ERBIN: variants seen among roughly 807,000 people sequenced by gnomAD.
ERBIN encodes densin-180-like protein.
In ERBIN, 60 loss-of-function variants were observed where a neutral mutation model predicts 158.4. The ratio of observed to expected loss-of-function variants is 0.38; its 90% CI spans 0.31 to 0.47. The LOEUF is 0.47. Among genes scored for constraint, ERBIN ranks in the 20% least tolerant of loss-of-function variants. The probability of loss-of-function intolerance (pLI) is 0.99; values close to 1 mark genes in which losing one functional copy is unlikely to be tolerated. For missense variants in ERBIN, 1,610 were observed against 1,648.0 expected (o/e 0.98, Z 0.40); for synonymous variants, 594 against 557.2 (o/e 1.07, Z -0.93).
Position 66,038,472 on chromosome 5 carries a change from G to A in ERBIN, c.1296G>A (p.Arg432=), listed in dbSNP as rs1183285914. ...ACTACATGTTCCCTCAACAGCCAAG[G>A]ACTGAGGATGGTAGGAATTTCATAA... ...LTNYMFPQQP[R]TEDVMFISDN... is the part of the protein sequence containing the mutation. Residue 432 remains arginine (R), a synonymous_variant, in exon 15 of 26, where the codon AGG becomes AGA. Coordinates refer to ENST00000284037, the MANE Select transcript of ERBIN (RefSeq NM_001253697.2). The A allele has an allele frequency of 7.5e-6, 12 of 1,603,248 alleles. No individual in the cohort carries two copies. The highest frequency in any genetic ancestry group is 1.3e-5 in the African/African-American group (1 of 74,420).
chr5:65,999,938 T>G (rs1444813600), intron 4 of ERBIN, among the ~76,000 whole-genome samples: 2 of 152,246 alleles, frequency 1.3e-5, no homozygotes, highest in African/African-American at 4.8e-5. Context: ...TTATTGTCAC[T>G]TTAGTTGTCA....
chr5:65,949,365 T>C (rs1746221955), intron 1 of ERBIN, among the ~76,000 whole-genome samples: 1 of 152,116 alleles, frequency 6.6e-6, no homozygotes, highest in African/African-American at 2.4e-5. Context: ...TCCCAGGAAA[T>C]ATTTAATTTC....
At position 66,080,389 on chromosome 5, in the gene ERBIN, T is replaced by C. The variant is rs892625321; in HGVS notation, c.*1859T>C. 3 of 152,516 alleles carry C rather than the reference T, an allele frequency of 2.0e-5. No homozygotes were observed. Among genetic ancestry groups the C allele is most frequent in the Non-Finnish European group, 4.4e-5 (3 of 67,940 alleles). 9.4% of individuals were successfully genotyped at this position (152,516 alleles called of 1,614,324 possible). A position where few individuals can be genotyped will look rare whatever the true frequency, so the allele number is the denominator to read the frequency against. On this transcript the variant is annotated 3_prime_UTR_variant, in exon 26 of 26. Coordinates refer to ENST00000284037, the MANE Select transcript of ERBIN (RefSeq NM_001253697.2). ...ACTCATTTTAGTTGATTTTCAGTAC[T>C]ATTTACATAGGAATTGATTTTTATG...
At chr5:65,936,994 A>T (rs1201061529) in intron 1 of ERBIN, among the ~76,000 whole-genome samples, 1 of 152,200 alleles carries the variant, frequency 6.6e-6, no homozygotes, top group Non-Finnish European at 1.5e-5. Flanking sequence ...TGAGAGAGGC[A>T]ATATAGTATA....
In ERBIN at chr5:66,076,859, T is replaced by G; in HGVS notation, c.4057-16T>G. 1 of 1,583,754 alleles carries G rather than the reference T, an allele frequency of 6.3e-7. No homozygotes were observed. Among genetic ancestry groups the G allele is most frequent in the Non-Finnish European group, 8.6e-7 (1 of 1,158,894 alleles). ...ACATACTGTTTTTAGTTAAATAATT[T>G]TTTTTGTTGTTAAAGGGTATATTTG... On this transcript the variant is annotated splice_polypyrimidine_tract_variant and intron_variant, in intron 24 of 25. Transcript: ENST00000284037.
At chr5:65,963,919 C>T (rs1748228077) in intron 1 of ERBIN, among the ~76,000 whole-genome samples, 1 of 151,844 alleles carries the variant, frequency 6.6e-6, no homozygotes. Flanking sequence ...CCTGCCTCAG[C>T]TTCCCGAGTA....
chr5:65,952,739 A>G (rs1161679193), intron 1 of ERBIN, among the ~76,000 whole-genome samples: 1 of 152,198 alleles, frequency 6.6e-6, no homozygotes, highest in Non-Finnish European at 1.5e-5. Context: ...TCTTAATTTG[A>G]AACTCATAGA....
At chr5:65,979,518 A>G (rs1042400114) in intron 1 of ERBIN, among the ~76,000 whole-genome samples, 8 of 152,244 alleles carry the variant, frequency 5.3e-5, no homozygotes, top group Admixed American at 3.3e-4. Flanking sequence ...TGAAACATAC[A>G]AAGACCTGGA....
At chr5:65,965,379 G>GTTTTTT (rs1561304820) in intron 1 of ERBIN, among the ~76,000 whole-genome samples, 40 of 103,650 alleles carry the variant, frequency 3.9e-4, no homozygotes, top group Admixed American at 9.7e-4. Flanking sequence ...TTTGTTTTTT[G>GTTTTTT]TTGTTTTTTT....
intron 21 of ERBIN, among the ~76,000 whole-genome samples, chr5:66,060,408 C>T (rs543735368): frequency 1.4e-4 from 21 of 152,172 alleles, no homozygotes; most frequent in South Asian, 6.2e-4. Flanking sequence ...TTTTTTATTG[C>T]GTCTGTTTGA....
chr5:66,062,916 A>G (rs1420940729), intron 21 of ERBIN, among the ~76,000 whole-genome samples: 1 of 152,160 alleles, frequency 6.6e-6, no homozygotes, highest in Non-Finnish European at 1.5e-5. Flanking sequence ...GTCTCAGAGG[A>G]GTACCTGGCC....
chr5:65,998,241 T>G (rs1478453084), intron 4 of ERBIN, among the ~76,000 whole-genome samples: 6 of 148,822 alleles, frequency 4.0e-5, no homozygotes, highest in South Asian at 4.2e-4. Flanking sequence ...AATATATATA[T>G]ATAGATATAT....
intron 1 of ERBIN, among the ~76,000 whole-genome samples, chr5:65,987,310 G>C (rs1751338401): frequency 6.6e-6 from 1 of 150,640 alleles, no homozygotes; most frequent in Admixed American, 6.6e-5. Flanking sequence ...AATTGAGTGG[G>C]AGGATTGCTG....
intron 10 of ERBIN, among the ~76,000 whole-genome samples, chr5:66,024,771 A>G (rs113860088): frequency 1.3e-5 from 2 of 151,994 alleles, no homozygotes; most frequent in Non-Finnish European, 2.9e-5. Context: ...GTCCTGTTTC[A>G]TTACAGACAC....
At chr5:65,934,884 A>C (rs559793298) in intron 1 of ERBIN, among the ~76,000 whole-genome samples, 2 of 151,120 alleles carry the variant, frequency 1.3e-5, no homozygotes, top group East Asian at 3.9e-4. Flanking sequence ...GCCAGTGAGA[A>C]CCCCCTGGCT....
chr5:65,996,609 G>A (rs748630154), intron 4 of ERBIN, among the ~76,000 whole-genome samples: 1 of 152,006 alleles, frequency 6.6e-6, no homozygotes, highest in Non-Finnish European at 1.5e-5. Context: ...GTTGCTTTGG[G>A]TATTCAGTCT....
chr5:65,955,758 C>G (rs1364731199), intron 1 of ERBIN, among the ~76,000 whole-genome samples: 2 of 152,240 alleles, frequency 1.3e-5, no homozygotes, highest in African/African-American at 2.4e-5. Context: ...ACGGTTTTCC[C>G]TTACACAAGG....
intron 21 of ERBIN, among the ~76,000 whole-genome samples, chr5:66,063,629 G>A (rs376638541): frequency 6.6e-5 from 10 of 152,260 alleles, no homozygotes; most frequent in South Asian, 2.1e-4. Flanking sequence ...CTTCTGCGTC[G>A]CTCACGCTGG....
At chr5:66,068,998 G>A (rs1426670521) in intron 21 of ERBIN, 1 of 1,533,850 alleles carries the variant, frequency 6.5e-7, no homozygotes, top group Admixed American at 2.0e-5. Context: ...GACAGAAGAG[G>A]TTCTGGTGGG....
Sources: gnomAD v4.1 joint callset for allele counts (sites outside exome capture counted in the v4.1 genomes callset) on GRCh38, gnomAD v4.1.1 for gene constraint, MANE v1.5 for transcripts, NCBI Gene and HGNC (gene_info 2026-07-23, HGNC 2026-07-21) for gene names.